The following CCDC149 variants were observed in gnomAD, a reference collection of about 807,000 sequenced individuals.
CCDC149 encodes the protein coiled-coil domain-containing protein 149.
Under a neutral mutation model 59.9 loss-of-function variants are expected in CCDC149, and 45 were observed. The ratio of observed to expected loss-of-function variants is 0.75; its 90% CI spans 0.59 to 0.96. The LOEUF is 0.96. Among genes scored for constraint, CCDC149 ranks in the 40% least tolerant of loss-of-function variants. The probability of loss-of-function intolerance (pLI) is 0.00; values close to 1 mark genes in which losing one functional copy is unlikely to be tolerated. For missense variants in CCDC149, 584 were observed against 664.7 expected (o/e 0.88, Z 1.33); for synonymous variants, 245 against 260.6 (o/e 0.94, Z 0.58).
intron 3 of CCDC149, among the ~76,000 whole-genome samples, chr4:24,862,558 G>T (rs1489697994): frequency 6.6e-6 from 1 of 152,190 alleles, no homozygotes; most frequent in African/African-American, 2.4e-5. Context: ...GATTGCTGGT[G>T]TGTGAAAGCC....
chr4:24,961,240 C>T (rs1246677784), intron 1 of CCDC149, among the ~76,000 whole-genome samples: 1 of 152,126 alleles, frequency 6.6e-6, no homozygotes, highest in Non-Finnish European at 1.5e-5. Context: ...TGGTGAGTTT[C>T]CTCCATATAT....
intron 8 of CCDC149, among the ~76,000 whole-genome samples, chr4:24,834,278 G>A (rs990159088): frequency 2.0e-5 from 3 of 152,004 alleles, no homozygotes; most frequent in Admixed American, 1.3e-4. Context: ...GAGCATATTC[G>A]ACTCGAGACT....
At chr4:24,809,386 G>T (rs1233811848) in intron 12 of CCDC149, among the ~76,000 whole-genome samples, 4 of 152,156 alleles carry the variant, frequency 2.6e-5, no homozygotes, top group Admixed American at 2.0e-4. Context: ...TTGAGTTGTT[G>T]TCCCTAAACC....
chr4:24,884,149 C>T (rs1384642819), intron 1 of CCDC149, among the ~76,000 whole-genome samples: 1 of 152,172 alleles, frequency 6.6e-6, no homozygotes. Context: ...TAAGAGGCCA[C>T]CTATAGATTG....
At chr4:24,976,807 G>A (rs13126958) in intron 1 of CCDC149, among the ~76,000 whole-genome samples, 22,399 of 152,166 alleles carry the variant, frequency 0.15, 1,850 homozygotes, top group South Asian at 0.33. Flanking sequence ...AGTGTTGTCA[G>A]GTGTGTGCAA....
intron 2 of CCDC149, among the ~76,000 whole-genome samples, chr4:24,875,849 T>C (rs1719381641): frequency 6.6e-6 from 1 of 152,202 alleles, no homozygotes; most frequent in Admixed American, 6.5e-5. Context: ...AAGAACTCTA[T>C]ATAATTAAAT....
In CCDC149 at chr4:24,837,183, G is replaced by T; in HGVS notation, c.662+45C>A. 6.3e-7 allele frequency: 1 copy of T among 1,589,076 alleles called. No homozygotes were observed. The highest frequency in any genetic ancestry group is 8.6e-7 in the Non-Finnish European group (1 of 1,160,348). ...AACTCCCAGCCTGCAGGCCTGTGCA[G>T]AGCCAGCCTTCCTCCCACGCACAGG... On this transcript the variant is annotated intron_variant, in intron 6 of 12. Transcript: ENST00000635206. This position sits in a 1 kb window ranked among gnomAD's most constrained non-coding sequence, Gnocchi z 4.3.
Position 24,873,718 on chromosome 4 carries a change from T to C in CCDC149, c.227A>G (p.Asp76Gly), listed in dbSNP as rs1719202407. 6.2e-7 allele frequency: 1 copy of C among 1,607,786 alleles called. No homozygotes were observed. Among genetic ancestry groups the C allele is most frequent in the Non-Finnish European group, 8.5e-7 (1 of 1,175,016 alleles). Residue 76 changes from aspartate to glycine, a missense_variant and splice_region_variant, in exon 3 of 13, where the codon GAT (aspartate) becomes GGT (glycine). Physicochemically the swap from Asp to Gly is moderately conservative, Grantham distance 94. Transcript: ENST00000635206. ...TTCAGGAGGAAGTGATGGATCTCCA[T>C]CCTACAAAGAAACAAATGCTGCATT... is the stretch of plus-strand genomic sequence containing the variant.
chr4:24,850,504 C>T (rs746994803), intron 4 of CCDC149, among the ~76,000 whole-genome samples: 33 of 152,188 alleles, frequency 2.2e-4, no homozygotes, highest in Middle Eastern at 3.4e-3. Flanking sequence ...ACAGCAGGCA[C>T]AAAGGTCCTG....
At chr4:24,911,914 G>C (rs1057387963) in intron 1 of CCDC149, among the ~76,000 whole-genome samples, 1 of 152,222 alleles carries the variant, frequency 6.6e-6, no homozygotes, top group Admixed American at 6.5e-5. Flanking sequence ...GAAGCCCCAA[G>C]TTGGCCTTGG....
At chr4:24,919,361 T>C (rs1027918571) in intron 1 of CCDC149, among the ~76,000 whole-genome samples, 7 of 152,214 alleles carry the variant, frequency 4.6e-5, no homozygotes, top group Non-Finnish European at 8.8e-5. Context: ...AATTGGACTC[T>C]AGCTGTGATG....
At chr4:24,946,639 T>C (rs1723117625) in intron 1 of CCDC149, among the ~76,000 whole-genome samples, 1 of 152,210 alleles carries the variant, frequency 6.6e-6, no homozygotes, top group Non-Finnish European at 1.5e-5. Flanking sequence ...AACTAAAGGA[T>C]GTTCCTTTGA....
intron 1 of CCDC149, among the ~76,000 whole-genome samples, chr4:24,884,039 T>C (rs1183561059): frequency 3.9e-5 from 6 of 152,212 alleles, no homozygotes; most frequent in African/African-American, 1.4e-4. Context: ...GGTAACCGCA[T>C]AGCTCAGAGA....
intron 3 of CCDC149, among the ~76,000 whole-genome samples, chr4:24,854,851 A>G (rs1432064211): frequency 6.6e-6 from 1 of 152,044 alleles, no homozygotes; most frequent in Non-Finnish European, 1.5e-5. Flanking sequence ...TCTGTTTAGA[A>G]TGCTCTCCCT....
At chr4:24,892,887 T>C (rs1204795555) in intron 1 of CCDC149, among the ~76,000 whole-genome samples, 2 of 152,180 alleles carry the variant, frequency 1.3e-5, no homozygotes, top group Non-Finnish European at 2.9e-5. Flanking sequence ...TCCAGAAGCA[T>C]GACACCAGCA....
At chr4:24,959,036 C>T (rs1438779375) in intron 1 of CCDC149, among the ~76,000 whole-genome samples, 1 of 152,030 alleles carries the variant, frequency 6.6e-6, no homozygotes, top group Admixed American at 6.6e-5. Context: ...TGCAGTGGCG[C>T]GATCTTGGCT....
At chr4:24,957,726 G>C (rs528821162) in intron 1 of CCDC149, among the ~76,000 whole-genome samples, 107 of 152,352 alleles carry the variant, frequency 7.0e-4, no homozygotes, top group African/African-American at 2.5e-3. Flanking sequence ...GTTTGTGGCT[G>C]CATTTGCAAG....
At chr4:24,803,798 C>T (rs564280410), downstream of CCDC149, among the ~76,000 whole-genome samples, 1 of 152,136 alleles carries the variant, frequency 6.6e-6, no homozygotes, top group South Asian at 2.1e-4. This position sits in a 1 kb window ranked among gnomAD's most constrained non-coding sequence, Gnocchi z 4.3. Context: ...CCCTATGCAT[C>T]CAAAAAATTC....
intron 9 of CCDC149, chr4:24,827,743 C>T (rs768561320): frequency 8.5e-5 from 13 of 152,162 alleles, no homozygotes; most frequent in South Asian, 2.1e-4. Flanking sequence ...ATCAATTCTT[C>T]GAGATGGCTT....
Sources: gnomAD v4.1 joint callset for allele counts (sites outside exome capture counted in the v4.1 genomes callset) on GRCh38, gnomAD v4.1.1 for gene constraint, Gnocchi (gnomAD v3.1) non-coding constraint, MANE v1.5 for transcripts, NCBI Gene and HGNC (gene_info 2026-07-23, HGNC 2026-07-21) for gene names.